The following RAPGEF2 variants were observed in gnomAD, a reference collection of about 807,000 sequenced individuals.
RAPGEF2 encodes the protein Rap guanine nucleotide exchange factor 2.
A neutral mutation model predicts 186.7 loss-of-function variants in RAPGEF2; 54 were observed. That is an observed-to-expected ratio of 0.29 (90% CI 0.23 to 0.36). RAPGEF2 has a LOEUF of 0.36. Ranked by LOEUF, RAPGEF2 falls within the 10% of genes least tolerant of loss-of-function variation. The pLI, the probability that RAPGEF2 is intolerant of heterozygous loss-of-function variation, is 1.00. For missense variants in RAPGEF2, 1,532 were observed against 2,045.0 expected (o/e 0.75, Z 4.84); for synonymous variants, 712 against 705.9 (o/e 1.01, Z -0.14).
intron 1 of RAPGEF2, among the ~76,000 whole-genome samples, chr4:159,127,172 A>G (rs973725358): frequency 2.0e-5 from 3 of 152,112 alleles, no homozygotes; most frequent in Non-Finnish European, 4.4e-5. Flanking sequence ...GATTACAGGC[A>G]CACGCCACCA....
intron 22 of RAPGEF2, among the ~76,000 whole-genome samples, chr4:159,343,644 A>C (rs1425910301): frequency 6.6e-6 from 1 of 152,180 alleles, no homozygotes; most frequent in African/African-American, 2.4e-5. Context: ...AATGTAATAG[A>C]CACAATTATG....
At chr4:159,330,077 T>G (rs1163199372) in intron 12 of RAPGEF2, 67 bp downstream of exon 12, 2 of 1,518,744 alleles carry the variant, frequency 1.3e-6, no homozygotes, top group East Asian at 2.3e-5. Flanking sequence ...TGTGGCAGTT[T>G]AGGATTTTTT....
intron 7 of RAPGEF2, among the ~76,000 whole-genome samples, chr4:159,246,186 A>G (rs1754614127): frequency 6.6e-6 from 1 of 152,168 alleles, no homozygotes; most frequent in Admixed American, 6.5e-5. Flanking sequence ...GTACTGTTTC[A>G]TAAAGATACA....
intron 3 of RAPGEF2, among the ~76,000 whole-genome samples, chr4:159,198,981 C>A (rs1343427851): frequency 6.8e-6 from 1 of 148,074 alleles, no homozygotes; most frequent in South Asian, 2.1e-4. Flanking sequence ...GAGGCTGAGC[C>A]ACGAGAATTG....
At chr4:159,306,932 A>G (rs1352728823) in intron 8 of RAPGEF2, among the ~76,000 whole-genome samples, 2 of 580 alleles carry the variant, frequency 3.4e-3, no homozygotes, top group Non-Finnish European at 4.0e-3. Flanking sequence ...AGCCAGAGCT[A>G]TGGGATTCAA....
At chr4:159,118,274 A>G (rs1241252624) in intron 1 of RAPGEF2, among the ~76,000 whole-genome samples, 1 of 152,238 alleles carries the variant, frequency 6.6e-6, no homozygotes, top group Admixed American at 6.5e-5. Flanking sequence ...TGTGAACTGC[A>G]TATGCAAGGG....
intron 28 of RAPGEF2, among the ~76,000 whole-genome samples, chr4:159,354,332 T>C (rs1319151804): frequency 6.6e-6 from 1 of 152,208 alleles, no homozygotes; most frequent in Non-Finnish European, 1.5e-5. Flanking sequence ...TAGTCTAATT[T>C]TTTTCTCTTA....
At chr4:159,209,484 A>G (rs1219164962) in intron 3 of RAPGEF2, among the ~76,000 whole-genome samples, 1 of 152,196 alleles carries the variant, frequency 6.6e-6, no homozygotes, top group Non-Finnish European at 1.5e-5. Flanking sequence ...TCCCTTCAGG[A>G]TCCACGTGGC....
rs374649216 is a variant in RAPGEF2 at position 159,127,737 on chromosome 4, AT to A, written c.69+23507del. Among the ~76,000 whole-genome samples, 735 of 152,336 alleles carry A rather than the reference AT, an allele frequency of 4.8e-3. 3 individuals carry two copies. The highest frequency in any genetic ancestry group is 0.017 in the African/African-American group (699 of 41,576). On this transcript the variant is annotated intron_variant, in intron 1 of 29. Transcript: ENST00000691494. ...AAGTGTGTTTGACATTCTCATAGTA[AT>A]AGAATAAGAATACTAATGGGGTATA...
intron 7 of RAPGEF2, among the ~76,000 whole-genome samples, chr4:159,277,020 C>G (rs1758982364): frequency 6.6e-6 from 1 of 151,756 alleles, no homozygotes. Flanking sequence ...GTGTGCTGCA[C>G]CCATTAACTC....
intron 1 of RAPGEF2, among the ~76,000 whole-genome samples, chr4:159,131,413 C>T (rs1473621013): frequency 2.0e-5 from 3 of 151,550 alleles, no homozygotes; most frequent in African/African-American, 4.9e-5. Context: ...CCCAGCCTCG[C>T]ATGGTTTTAA....
At chr4:159,210,768 C>G (rs1750442097) in intron 4 of RAPGEF2, among the ~76,000 whole-genome samples, 185 bp downstream of exon 4, 1 of 152,172 alleles carries the variant, frequency 6.6e-6, no homozygotes, top group African/African-American at 2.4e-5. Context: ...TTTCCAATCT[C>G]TTTAACAAAG....
chr4:159,105,260 A>G (rs1044583732), intron 1 of RAPGEF2, among the ~76,000 whole-genome samples: 34 of 152,212 alleles, frequency 2.2e-4, no homozygotes, highest in African/African-American at 8.2e-4. Context: ...AGCCCTCCTG[A>G]TCCTTGGGAC....
At chr4:159,135,212 T>G (rs950912754) in intron 1 of RAPGEF2, among the ~76,000 whole-genome samples, 3 of 151,928 alleles carry the variant, frequency 2.0e-5, no homozygotes, top group African/African-American at 7.3e-5. Context: ...CCCAGCTAAT[T>G]TTTATATTTT....
chr4:159,271,688 G>A (rs138596673), intron 7 of RAPGEF2, among the ~76,000 whole-genome samples: 2 of 152,220 alleles, frequency 1.3e-5, no homozygotes, highest in African/African-American at 4.8e-5. Flanking sequence ...TCTACTTCAG[G>A]TGTGTAGACT....
In RAPGEF2 at chr4:159,103,315, C is replaced by G. The variant is rs552237499; in HGVS notation, c.-848C>G. 8.5e-5 allele frequency: 13 copies of G among 152,076 alleles called. No homozygotes were observed. Among genetic ancestry groups the G allele is most frequent in the African/African-American group, 2.9e-4 (12 of 41,408 alleles). The allele number at this position is 152,076 out of a possible 1,614,324, so 9.4% of individuals were successfully genotyped here. ...TGCCGAGAGCGACTGGGCCGGAGGGCTGCAGCCCGGGCCGGGTGCTCTGGC... is the reference window on the plus strand; with the variant it reads ...TGCCGAGAGCGACTGGGCCGGAGGGGTGCAGCCCGGGCCGGGTGCTCTGGC... On this transcript the variant is annotated 5_prime_UTR_variant, in exon 1 of 30. Transcript: ENST00000691494.
rs958471481 is a variant in RAPGEF2 at position 159,167,130 on chromosome 4, G to A, written c.70-19512G>A. 5.3e-5 allele frequency among the ~76,000 whole-genome samples: 8 copies of A among 152,118 alleles called. No homozygotes were observed. In the East Asian group the frequency reaches 1.3e-3, roughly 26 times the overall value. Reference sequence around the variant, plus strand: ...ACTTTACAGGATTAAAAAAAACCACGACTCATTAAATGTGTGAAAAAAGAG... The same window carrying A: ...ACTTTACAGGATTAAAAAAAACCACAACTCATTAAATGTGTGAAAAAAGAG... On this transcript the variant is annotated intron_variant, in intron 1 of 29. Transcript: ENST00000691494.
chr4:159,266,588 A>G (rs970003738), intron 7 of RAPGEF2, among the ~76,000 whole-genome samples: 2 of 152,068 alleles, frequency 1.3e-5, no homozygotes, highest in African/African-American at 4.8e-5. Flanking sequence ...TAAAAAAAAA[A>G]CCTGGGTAGG....
At chr4:159,200,334 C>T (rs930240389) in intron 3 of RAPGEF2, among the ~76,000 whole-genome samples, 4 of 151,992 alleles carry the variant, frequency 2.6e-5, no homozygotes, top group African/African-American at 7.2e-5. Context: ...AGTGTGGTGG[C>T]GCACCTCTGT....
Sources: gnomAD v4.1 joint callset for allele counts (sites outside exome capture counted in the v4.1 genomes callset) on GRCh38, gnomAD v4.1.1 for gene constraint, MANE v1.5 for transcripts, NCBI Gene and HGNC (gene_info 2026-07-23, HGNC 2026-07-21) for gene names.